Variants in ADCY2 observed in about 807,000 individuals in gnomAD.
ADCY2 encodes adenylate cyclase type 2.
ADCY2 carries 31 observed loss-of-function variants against 125.2 expected under a neutral mutation model. The ratio of observed to expected loss-of-function variants is 0.25; its 90% confidence interval spans 0.19 to 0.33. The LOEUF is 0.33. ADCY2 is among the 10% of genes least tolerant of loss of function. The pLI, the probability that ADCY2 is intolerant of heterozygous loss-of-function variation, is 1.00. For synonymous variants in ADCY2, 512 were observed against 548.4 expected, an observed-to-expected ratio of 0.93 and a Z score of 0.93; for missense variants, 904 against 1,418.2, an observed-to-expected ratio of 0.64 and a Z score of 5.82.
intron 2 of ADCY2, among the ~76,000 whole-genome samples, chr5:7,434,558 G>C (rs2126383846): frequency 6.6e-6 from 1 of 152,342 alleles, no homozygotes; most frequent in South Asian, 2.1e-4. Context: ...AGCCACCCAG[G>C]TCAAGTGTAG....
intron 3 of ADCY2, among the ~76,000 whole-genome samples, chr5:7,620,280 A>G (rs1016804322): frequency 2.0e-5 from 3 of 152,254 alleles, no homozygotes; most frequent in African/African-American, 4.8e-5. Flanking sequence ...TTTGTAATGG[A>G]AACTTCCATG....
intron 2 of ADCY2, among the ~76,000 whole-genome samples, chr5:7,514,639 C>T (rs1744191391): frequency 6.6e-6 from 1 of 152,154 alleles, no homozygotes; most frequent in Non-Finnish European, 1.5e-5. Flanking sequence ...CAGATGTCAT[C>T]AGGTTAAGAT....
intron 2 of ADCY2, among the ~76,000 whole-genome samples, chr5:7,429,028 GA>G (rs1740493388): frequency 2.6e-5 from 4 of 152,094 alleles, no homozygotes; most frequent in African/African-American, 9.7e-5. Flanking sequence ...GAGAGAGAGA[GA>G]GAGAGAGAGC....
intron 2 of ADCY2, among the ~76,000 whole-genome samples, chr5:7,430,151 A>G (rs943276919): frequency 2.6e-5 from 4 of 152,202 alleles, no homozygotes; most frequent in African/African-American, 9.6e-5. Context: ...AGTAAAACTC[A>G]TTCAAGAAGA....
At chr5:7,727,575 C>G (rs1741969948) in intron 14 of ADCY2, among the ~76,000 whole-genome samples, 2 of 152,044 alleles carry the variant, frequency 1.3e-5, no homozygotes, top group African/African-American at 4.8e-5. Flanking sequence ...TAAACTTTAC[C>G]CACAAAGAGT....
At chr5:7,539,356 A>T (rs908511237) in intron 3 of ADCY2, among the ~76,000 whole-genome samples, 7 of 89,782 alleles carry the variant, frequency 7.8e-5, no homozygotes, top group Non-Finnish European at 1.8e-4. Context: ...GCATGGGATT[A>T]AAAAAAAAAA....
chr5:7,426,790 C>G (rs945941968), intron 2 of ADCY2, among the ~76,000 whole-genome samples: 2 of 152,266 alleles, frequency 1.3e-5, no homozygotes, highest in Admixed American at 1.3e-4. Flanking sequence ...CTTCCACCCT[C>G]TGTAACGGCT....
chr5:7,425,848 T>G (rs80274615), intron 2 of ADCY2, among the ~76,000 whole-genome samples: 2,596 of 152,352 alleles, frequency 0.017, 77 homozygotes, highest in African/African-American at 0.058. Context: ...TTTGCAGTGC[T>G]TTGTTAATGT....
chr5:7,734,803 A>G (rs1218511164), intron 14 of ADCY2, among the ~76,000 whole-genome samples: 1 of 152,220 alleles, frequency 6.6e-6, no homozygotes, highest in Non-Finnish European at 1.5e-5. Flanking sequence ...TGTGTAGCTT[A>G]GGAGCAATAG....
intron 4 of ADCY2, among the ~76,000 whole-genome samples, chr5:7,666,863 G>A (rs929173888): frequency 4.7e-4 from 71 of 152,096 alleles, no homozygotes; most frequent in Admixed American, 4.5e-3. Context: ...GTGTGCTTGC[G>A]TTTTTCCCTG....
At chr5:7,409,000 C>T (rs572804800) in intron 1 of ADCY2, among the ~76,000 whole-genome samples, 3 of 152,118 alleles carry the variant, frequency 2.0e-5, no homozygotes, top group Admixed American at 6.5e-5. Context: ...CAATGGTAGA[C>T]TGGATAAAGA....
At chr5:7,420,730 G>A (rs1417325486) in intron 2 of ADCY2, among the ~76,000 whole-genome samples, 2 of 152,178 alleles carry the variant, frequency 1.3e-5, no homozygotes, top group African/African-American at 4.8e-5. Flanking sequence ...TCTGGCTCCC[G>A]GAGTTCGGGG....
intron 15 of ADCY2, among the ~76,000 whole-genome samples, chr5:7,751,818 T>C (rs1472109288): frequency 6.6e-6 from 1 of 152,184 alleles, no homozygotes; most frequent in Non-Finnish European, 1.5e-5. Flanking sequence ...GCCTGAGTCC[T>C]GATCCAGGAC....
intron 4 of ADCY2, among the ~76,000 whole-genome samples, chr5:7,644,322 A>G (rs919336546): frequency 6.6e-6 from 1 of 151,916 alleles, no homozygotes; most frequent in African/African-American, 2.4e-5. Flanking sequence ...ATTTTTGTCT[A>G]CTTGGGGAAA....
intron 4 of ADCY2, among the ~76,000 whole-genome samples, chr5:7,655,491 T>G (rs952395258): frequency 6.6e-6 from 1 of 152,212 alleles, no homozygotes; most frequent in Non-Finnish European, 1.5e-5. Flanking sequence ...ACGTTCCAGC[T>G]GAAGCCAGGA....
At chr5:7,499,305 C>T (rs559506071) in intron 2 of ADCY2, among the ~76,000 whole-genome samples, 8 of 152,114 alleles carry the variant, frequency 5.3e-5, no homozygotes, top group African/African-American at 1.4e-4. Context: ...TGTGCCTGGC[C>T]GAGTGGTTTT....
intron 2 of ADCY2, among the ~76,000 whole-genome samples, chr5:7,502,906 C>G (rs1165370785): frequency 6.6e-6 from 1 of 152,120 alleles, no homozygotes; most frequent in Non-Finnish European, 1.5e-5. Flanking sequence ...GAAAGTTCTT[C>G]CTGAGGCAGT....
chr5:7,737,572 C>T (rs1465956731), intron 14 of ADCY2, among the ~76,000 whole-genome samples: 1 of 152,160 alleles, frequency 6.6e-6, no homozygotes, highest in Non-Finnish European at 1.5e-5. Flanking sequence ...GACAAAGAGT[C>T]TGTGAAATGA....
At chr5:7,682,509 A>G (rs1230147415) in intron 4 of ADCY2, among the ~76,000 whole-genome samples, 2 of 152,204 alleles carry the variant, frequency 1.3e-5, no homozygotes, top group Non-Finnish European at 2.9e-5. Context: ...TTGGCAGCAC[A>G]GCCTACTCCA....
Sources: gnomAD v4.1 joint callset for allele counts (sites outside exome capture counted in the v4.1 genomes callset) on GRCh38, gnomAD v4.1.1 for gene constraint, MANE v1.5 for transcripts, NCBI Gene and HGNC (gene_info 2026-07-23, HGNC 2026-07-21) for gene names.